The following CFTR variants were observed in gnomAD, a reference collection of about 807,000 sequenced individuals.
CFTR encodes the protein cystic fibrosis transmembrane conductance regulator.
In CFTR, 181 loss-of-function variants were observed where a neutral mutation model predicts 171.6. The ratio of observed to expected loss-of-function variants is 1.05; its 90% CI spans 0.93 to 1.19. The LOEUF (loss-of-function observed/expected upper bound fraction) is 1.19, where lower values mean the gene tolerates loss of function less well. Among genes scored for constraint, CFTR ranks in the 50% most tolerant of loss-of-function variants. The pLI is 0.00. For missense variants in CFTR, 1,968 were observed against 1,734.7 expected (o/e 1.13, Z -2.39); for synonymous variants, 583 against 608.0 (o/e 0.96, Z 0.60).
At chr7:117,639,458 C>T (rs1486803406) in intron 22 of CFTR, among the ~76,000 whole-genome samples, 1 of 152,072 alleles carries the variant, frequency 6.6e-6, no homozygotes, top group African/African-American at 2.4e-5. Context: ...AATTTGGAGT[C>T]AGATTCTTCA....
intron 22 of CFTR, among the ~76,000 whole-genome samples, chr7:117,637,184 AC>A (rs1178126028): frequency 6.7e-6 from 1 of 148,984 alleles, no homozygotes; most frequent in Non-Finnish European, 1.5e-5. Context: ...GTCATATCTG[AC>A]TGTGGTTCTG....
intron 22 of CFTR, among the ~76,000 whole-genome samples, chr7:117,638,736 C>CATAAATAAATAAATAAATAAATAA (rs201930686): frequency 2.8e-5 from 4 of 145,040 alleles, no homozygotes; most frequent in African/African-American, 1.0e-4. Context: ...AACTCCATCT[C>CATAAATAAATAAATAAATAAATAA]ATAAATAAAT....
chr7:117,637,734 A>G (rs1584834327), intron 22 of CFTR, among the ~76,000 whole-genome samples: 1 of 152,148 alleles, frequency 6.6e-6, no homozygotes, highest in Middle Eastern at 3.4e-3. Context: ...AAAATCAGCC[A>G]GGTGTGGTGG....
intron 15 of CFTR, among the ~76,000 whole-genome samples, chr7:117,596,048 G>A (rs570297123): frequency 6.6e-6 from 1 of 152,352 alleles, no homozygotes; most frequent in South Asian, 2.1e-4. Flanking sequence ...CACTCTGGCT[G>A]TGCGTGAGGA....
intron 14 of CFTR, among the ~76,000 whole-genome samples, chr7:117,593,874 G>A (rs994795309): frequency 2.6e-5 from 4 of 152,110 alleles, no homozygotes; most frequent in African/African-American, 4.8e-5. Flanking sequence ...TATTACAGGC[G>A]TGTGCCACCA....
At chr7:117,614,992 G>A (rs1792463464) in intron 21 of CFTR, among the ~76,000 whole-genome samples, 1 of 151,864 alleles carries the variant, frequency 6.6e-6, no homozygotes, top group Non-Finnish European at 1.5e-5. Context: ...TGTATTGCTG[G>A]GTCATAGGAT....
At chr7:117,535,983 T>C (rs954729653) in intron 6 of CFTR, among the ~76,000 whole-genome samples, 1 of 152,214 alleles carries the variant, frequency 6.6e-6, no homozygotes, top group African/African-American at 2.4e-5. Context: ...AAAACATTTA[T>C]GTGAATTAAA....
chr7:117,541,703 G>T (rs1022363723), intron 8 of CFTR, among the ~76,000 whole-genome samples: 1 of 152,092 alleles, frequency 6.6e-6, no homozygotes, highest in Non-Finnish European at 1.5e-5. Context: ...GTAATTCAGG[G>T]TTGCTTTGTA....
intron 21 of CFTR, among the ~76,000 whole-genome samples, chr7:117,618,269 A>T (rs989494336): frequency 6.6e-6 from 1 of 152,092 alleles, no homozygotes; most frequent in African/African-American, 2.4e-5. Flanking sequence ...CAGGCGAATT[A>T]CTTGAGGTCG....
At chr7:117,610,850 T>A (rs1033523325) in intron 19 of CFTR, among the ~76,000 whole-genome samples, 181 bp downstream of exon 19, 1 of 152,192 alleles carries the variant, frequency 6.6e-6, no homozygotes, top group African/African-American at 2.4e-5. Flanking sequence ...ACACATGGAT[T>A]TTTTTTCTTA....
At chr7:117,558,155 G>C (rs1799391572) in intron 10 of CFTR, among the ~76,000 whole-genome samples, 1 of 151,820 alleles carries the variant, frequency 6.6e-6, no homozygotes, top group Non-Finnish European at 1.5e-5. Flanking sequence ...TGAAGTCACT[G>C]TATTGTCTGT....
intron 23 of CFTR, among the ~76,000 whole-genome samples, chr7:117,648,097 A>G (rs1017148295): frequency 1.4e-4 from 21 of 148,352 alleles, no homozygotes; most frequent in African/African-American, 3.7e-4. Flanking sequence ...TTATATATAT[A>G]TGTGTATATG....
intron 21 of CFTR, chr7:117,616,100 A>G (rs1199418802): frequency 6.6e-6 from 1 of 152,242 alleles, no homozygotes; most frequent in East Asian, 1.9e-4. Flanking sequence ...AAATATCTCC[A>G]GGAAAAAGAA....
At chr7:117,659,101 T>C (rs1029277851) in intron 24 of CFTR, among the ~76,000 whole-genome samples, 1 of 152,222 alleles carries the variant, frequency 6.6e-6, no homozygotes, top group Admixed American at 6.5e-5. Context: ...ATGTGCTTTC[T>C]GTTCTGCAGA....
chr7:117,559,750 C>T, intron 11 of CFTR, 95 bp downstream of exon 11: 1 of 833,520 alleles, frequency 1.2e-6, no homozygotes, highest in Non-Finnish European at 2.0e-6. Flanking sequence ...GGTTAGTCTA[C>T]ATATATTTAT....
At chr7:117,485,905 T>A (rs1206149688) in intron 1 of CFTR, among the ~76,000 whole-genome samples, 1 of 152,156 alleles carries the variant, frequency 6.6e-6, no homozygotes, top group Non-Finnish European at 1.5e-5. Flanking sequence ...AATAAAGATT[T>A]TTTTGTGATG....
intron 22 of CFTR, among the ~76,000 whole-genome samples, chr7:117,634,851 G>T (rs1792802396): frequency 6.6e-6 from 1 of 152,000 alleles, no homozygotes; most frequent in Non-Finnish European, 1.5e-5. Flanking sequence ...ATTTGTTAAG[G>T]TGTGATTTAT....
intron 3 of CFTR, among the ~76,000 whole-genome samples, chr7:117,529,866 A>G (rs1272864379): frequency 6.6e-6 from 1 of 152,136 alleles, no homozygotes; most frequent in East Asian, 1.9e-4. Context: ...TTTAAATGGA[A>G]CCAATTATCA....
At chr7:117,612,589 T>C (rs942021549) in intron 20 of CFTR, among the ~76,000 whole-genome samples, 1 of 152,150 alleles carries the variant, frequency 6.6e-6, no homozygotes. Context: ...TGACAGTGAA[T>C]ACTGGCAGAG....
Sources: allele counts gnomAD v4.1 joint callset (sites outside exome capture counted in the v4.1 genomes callset), GRCh38; gene constraint gnomAD v4.1.1; transcripts MANE v1.5; gene names NCBI Gene and HGNC (gene_info 2026-07-23, HGNC 2026-07-21).